Variants in AKAP3 observed in about 807,000 individuals in gnomAD.
AKAP3 encodes the protein A-kinase anchor protein 3.
A neutral mutation model predicts 57.2 loss-of-function variants in AKAP3; 27 were observed. The ratio of observed to expected loss-of-function variants is 0.47; its 90% confidence interval spans 0.35 to 0.65. The LOEUF (loss-of-function observed/expected upper bound fraction) is 0.65, where lower values mean the gene tolerates loss of function less well. AKAP3 is among the 30% of genes least tolerant of loss of function. The pLI is 0.01. For synonymous variants in AKAP3, 334 were observed against 392.3 expected (o/e 0.85, Z 1.76); for missense variants, 959 against 1,040.0 (o/e 0.92, Z 1.07).
intron 5 of AKAP3, among the ~76,000 whole-genome samples, chr12:4,617,043 TA>T (rs1591814049): frequency 6.6e-6 from 1 of 152,060 alleles, no homozygotes; most frequent in East Asian, 1.9e-4. Flanking sequence ...CTACCATAAC[TA>T]AATCACTGAA....
chr12:4,642,451 A>G (rs992544255), intron 2 of AKAP3, among the ~76,000 whole-genome samples: 1 of 152,230 alleles, frequency 6.6e-6, no homozygotes, highest in Non-Finnish European at 1.5e-5. Context: ...AAGGGAGTTC[A>G]TAGATATCTT....
intron 5 of AKAP3, among the ~76,000 whole-genome samples, chr12:4,622,940 ACC>A (rs754564828): frequency 4.6e-5 from 7 of 152,198 alleles, no homozygotes; most frequent in Non-Finnish European, 7.3e-5. Flanking sequence ...GAAAAAAACA[ACC>A]CCATTAAAAA....
intron 2 of AKAP3, among the ~76,000 whole-genome samples, chr12:4,643,474 T>C (rs1451038635): frequency 6.6e-6 from 1 of 152,124 alleles, no homozygotes; most frequent in Non-Finnish European, 1.5e-5. Flanking sequence ...AAAATGATAC[T>C]TTGTGTTATC....
rs1270243701 is a variant in AKAP3, at chr12:4,627,726, C to T, written c.1176G>A (p.Glu392=). 1.9e-6 allele frequency: 3 copies of T among 1,614,128 alleles called. No individual in the cohort carries two copies. Among genetic ancestry groups the T allele is most frequent in the Admixed American group, 3.3e-5 (2 of 60,024 alleles). ...CCTTGTCTTGGGCTTTCCTGACATG[C>T]TCAGGGACTTTCTTGGCAAACATTA... ...YNVMFAKKVP[E]HVRKAQDKAE... The change falls in exon 5 of 6, where the codon GAG becomes GAA. Residue 392 remains glutamate (E), a synonymous_variant. Transcript: ENST00000228850.
Position 4,615,549 on chromosome 12 carries a change from G to A in AKAP3, c.*190C>T. The A allele has an allele frequency of 1.6e-6, 1 of 623,626 alleles. No homozygotes were observed. Among genetic ancestry groups the A allele is most frequent in the South Asian group, 3.5e-5 (1 of 28,346 alleles). The allele number at this position is 623,626 out of a possible 1,614,324, so 38.6% of individuals were successfully genotyped here. A position where few individuals can be genotyped will look rare whatever the true frequency, so the allele number is the denominator to read the frequency against. ...TGTAATTTTTTAATTTTACGTCCTT[G>A]CTTGCATGGACAGGAAAATCTGCAA... On this transcript the variant is annotated 3_prime_UTR_variant, in exon 6 of 6. Coordinates refer to ENST00000228850, the MANE Select transcript of AKAP3 (RefSeq NM_001278309.2).
At chr12:4,634,417 A>G (rs1333465347) in intron 4 of AKAP3, among the ~76,000 whole-genome samples, 1 of 152,222 alleles carries the variant, frequency 6.6e-6, no homozygotes. Context: ...AGTAATACAT[A>G]TATGGAGACT....
chr12:4,635,433 G>A, intron 4 of AKAP3: 1 of 729,430 alleles, frequency 1.4e-6, no homozygotes, highest in East Asian at 2.8e-5. Context: ...TGGATTTTGT[G>A]GTTCATTCTT....
At chr12:4,640,209 C>A (rs79986742) in intron 3 of AKAP3, among the ~76,000 whole-genome samples, 2,654 of 152,294 alleles carry the variant, frequency 0.017, 81 homozygotes, top group South Asian at 0.11. Flanking sequence ...AAACTCTGCT[C>A]AGATCTATAC....
At chr12:4,626,252 T>C (rs1945410255) in intron 5 of AKAP3, among the ~76,000 whole-genome samples, 2 of 152,208 alleles carry the variant, frequency 1.3e-5, no homozygotes, top group South Asian at 4.1e-4. Flanking sequence ...TGTACACTCC[T>C]ACTCCTAAAC....
chr12:4,627,731 G>T lies in AKAP3; in HGVS notation c.1171C>A (p.Pro391Thr), dbSNP rs757552104. The change falls in exon 5 of 6, where the codon CCT (proline) becomes ACT (threonine). Residue 391 changes from proline to threonine, a missense_variant. Pro to Thr is a conservative substitution (Grantham distance 38, BLOSUM62 -1). Coordinates refer to ENST00000228850, the MANE Select transcript of AKAP3 (RefSeq NM_001278309.2). ...TCTTGGGCTTTCCTGACATGCTCAG[G>T]GACTTTCTTGGCAAACATTACATTG... is the stretch of plus-strand genomic sequence containing the variant. ...LYNVMFAKKV[P>T]EHVRKAQDKA... 106 of 1,613,922 alleles carry T rather than the reference G, an allele frequency of 6.6e-5. No individual in the cohort carries two copies. Among genetic ancestry groups the T allele is most frequent in the Non-Finnish European group, 4.2e-6 (5 of 1,180,018 alleles).
At chr12:4,623,978 G>A (rs1482602375) in intron 5 of AKAP3, among the ~76,000 whole-genome samples, 4 of 136,620 alleles carry the variant, frequency 2.9e-5, no homozygotes, top group Non-Finnish European at 6.4e-5. Context: ...TCTATGGAAG[G>A]CAATTTGGAA....
At chr12:4,638,407 C>T (rs1945592731) in intron 3 of AKAP3, among the ~76,000 whole-genome samples, 1 of 152,172 alleles carries the variant, frequency 6.6e-6, no homozygotes, top group Non-Finnish European at 1.5e-5. Flanking sequence ...ATATTTGTAA[C>T]TCTAAGGAAG....
At chr12:4,632,201 CTTA>C (rs547264395) in intron 4 of AKAP3, among the ~76,000 whole-genome samples, 134 of 141,924 alleles carry the variant, frequency 9.4e-4, no homozygotes, top group African/African-American at 3.3e-3. Flanking sequence ...TATGCTTTTG[CTTA>C]TTATTTTTAT....
rs149796240 is a variant in AKAP3 at position 4,628,987 on chromosome 12, C to G, written c.97-182G>C. 9.4e-3 allele frequency among the ~76,000 whole-genome samples: 1,429 copies of G among 152,300 alleles called. 9 individuals are homozygous for G. Among genetic ancestry groups the G allele is most frequent in the Middle Eastern group, 0.02 (6 of 294 alleles). Reference sequence around the variant, plus strand: ...AGACATTGTTCCAAGTATTTAAAGTCTATTATCTCATTTAATTATTTCTCA... The same window carrying G: ...AGACATTGTTCCAAGTATTTAAAGTGTATTATCTCATTTAATTATTTCTCA... On this transcript the variant is annotated intron_variant, in intron 4 of 5. Transcript: ENST00000228850.
At chr12:4,628,935 C>G in intron 4 of AKAP3, 130 bp from the exon 5 acceptor site, 1 of 878,852 alleles carries the variant, frequency 1.1e-6, no homozygotes, top group Non-Finnish European at 1.7e-6. Flanking sequence ...ATAAAAGTAA[C>G]CATTTATTAA....
intron 5 of AKAP3, among the ~76,000 whole-genome samples, chr12:4,616,478 C>G (rs1164511650): frequency 1.3e-5 from 2 of 152,154 alleles, no homozygotes; most frequent in African/African-American, 4.8e-5. Context: ...ATCCTAAGGG[C>G]AACAAACTCT....
chr12:4,636,938 G>A (rs1298961991), intron 4 of AKAP3, among the ~76,000 whole-genome samples: 1 of 151,980 alleles, frequency 6.6e-6, no homozygotes, highest in Non-Finnish European at 1.5e-5. Flanking sequence ...TAAAGACAGA[G>A]TTTTGCCGTG....
Position 4,626,604 on chromosome 12 carries a change from G to C in AKAP3, c.2298C>G (p.Asp766Glu), listed in dbSNP as rs34392018. ...CTTGGAGTTGCTTGTTCTGAACTGTGTCCGTTAGGTTGTGATTGCTGACAA... is the reference window on the plus strand; with the variant it reads ...CTTGGAGTTGCTTGTTCTGAACTGTCTCCGTTAGGTTGTGATTGCTGACAA... ...TVIVSNHNLTDTVQNKQLQAV... is the reference protein window; with the variant it reads ...TVIVSNHNLTETVQNKQLQAV... The change falls in exon 5 of 6, where the codon GAC becomes GAG. Residue 766 changes from aspartate (D) to glutamate (E), a missense_variant. By Grantham distance (45) the Asp-to-Glu change is conservative (BLOSUM62 2). Coordinates refer to ENST00000228850, the MANE Select transcript of AKAP3 (RefSeq NM_001278309.2). The C allele has an allele frequency of 6.2e-7, 1 of 1,614,090 alleles. No individual in the cohort carries two copies.
intron 5 of AKAP3, among the ~76,000 whole-genome samples, chr12:4,621,938 A>C (rs2137427030): frequency 6.6e-6 from 1 of 152,328 alleles, no homozygotes; most frequent in East Asian, 1.9e-4. Flanking sequence ...GGCAAAGGAA[A>C]CATTTGTATT....
Sources: gnomAD v4.1 joint callset for allele counts (sites outside exome capture counted in the v4.1 genomes callset) on GRCh38, gnomAD v4.1.1 for gene constraint, MANE v1.5 for transcripts, NCBI Gene and HGNC (gene_info 2026-07-23, HGNC 2026-07-21) for gene names.